The following STXBP5 variants were observed in gnomAD, a reference collection of about 807,000 sequenced individuals.
STXBP5 encodes syntaxin binding protein 5, also known as syntaxin-binding protein 5.
Under a neutral mutation model 152.4 loss-of-function variants are expected in STXBP5, and 50 were observed. The observed-to-expected ratio is 0.33, with a 90% CI of 0.26 to 0.42. STXBP5 has a LOEUF of 0.42. STXBP5 is among the 10% of genes least tolerant of loss of function. The pLI is 1.00. For missense variants in STXBP5, 1,167 were observed against 1,388.6 expected (o/e 0.84, Z 2.54); for synonymous variants, 492 against 494.7 (o/e 0.99, Z 0.07).
intron 23 of STXBP5, 71 bp from the exon 24 acceptor site, chr6:147,363,264 A>C (rs1785144976): frequency 6.9e-7 from 1 of 1,445,258 alleles, no homozygotes. Flanking sequence ...ACTGTATGTC[A>C]AAGTTAGAAT....
chr6:147,341,200 A>C (rs1010554989), intron 21 of STXBP5, among the ~76,000 whole-genome samples: 4 of 152,180 alleles, frequency 2.6e-5, no homozygotes, highest in Non-Finnish European at 5.9e-5. Context: ...TGAAAAACTA[A>C]CACATTAGTT....
At chr6:147,310,735 G>T (rs547585510) in intron 10 of STXBP5, among the ~76,000 whole-genome samples, 1 of 152,098 alleles carries the variant, frequency 6.6e-6, no homozygotes, top group East Asian at 1.9e-4. Flanking sequence ...GCACAATTGC[G>T]TTTTTTTCAG....
chr6:147,348,586 T>C (rs945179684), intron 21 of STXBP5, among the ~76,000 whole-genome samples: 4 of 152,150 alleles, frequency 2.6e-5, no homozygotes, highest in African/African-American at 9.7e-5. Context: ...ATCTAAACAG[T>C]TTTTGTAGTA....
At chr6:147,325,378 T>C (rs1783195608) in intron 17 of STXBP5, among the ~76,000 whole-genome samples, 1 of 152,118 alleles carries the variant, frequency 6.6e-6, no homozygotes, top group Admixed American at 6.5e-5. Context: ...CTCCCAGAAA[T>C]AATTTTCTTA....
intron 4 of STXBP5, among the ~76,000 whole-genome samples, chr6:147,255,955 A>G (rs1421431531): frequency 2.6e-5 from 4 of 152,184 alleles, no homozygotes; most frequent in Non-Finnish European, 5.9e-5. Context: ...CAAATTGCAG[A>G]TTATTTCCTT....
chr6:147,224,328 G>A (rs1777604872), intron 2 of STXBP5, among the ~76,000 whole-genome samples: 1 of 152,198 alleles, frequency 6.6e-6, no homozygotes, highest in Non-Finnish European at 1.5e-5. Flanking sequence ...GGGAGGCTGA[G>A]GCACTAGAAT....
chr6:147,377,807 CTG>C (rs1231085155), intron 26 of STXBP5, among the ~76,000 whole-genome samples: 23 of 151,996 alleles, frequency 1.5e-4, no homozygotes, highest in Admixed American at 1.5e-3. Flanking sequence ...GGGGACATAA[CTG>C]TTGAGTGTAT....
intron 2 of STXBP5, among the ~76,000 whole-genome samples, chr6:147,225,553 C>T (rs184143513): frequency 6.6e-6 from 1 of 152,084 alleles, no homozygotes; most frequent in Admixed American, 6.5e-5. Context: ...TATAATCTTA[C>T]AAAATATTAA....
chr6:147,245,870 A>G (rs1778785453), intron 4 of STXBP5, among the ~76,000 whole-genome samples: 1 of 152,166 alleles, frequency 6.6e-6, no homozygotes, highest in African/African-American at 2.4e-5. Flanking sequence ...GGGGAGAGGC[A>G]TGCAACAGAT....
At chr6:147,309,851 G>A (rs1268631600) in intron 9 of STXBP5, among the ~76,000 whole-genome samples, 2 of 151,850 alleles carry the variant, frequency 1.3e-5, no homozygotes, top group African/African-American at 4.8e-5. Flanking sequence ...GTTTTAGGGA[G>A]GTATAAAAGT....
At chr6:147,293,008 T>C (rs1199841588) in intron 9 of STXBP5, 1 of 152,200 alleles carries the variant, frequency 6.6e-6, no homozygotes, top group South Asian at 2.1e-4. Flanking sequence ...CAATAAATTA[T>C]AATATTGTAC....
At chr6:147,238,314 A>T (rs927278756) in intron 3 of STXBP5, among the ~76,000 whole-genome samples, 6 of 152,146 alleles carry the variant, frequency 3.9e-5, no homozygotes, top group Admixed American at 1.3e-4. Flanking sequence ...GCCTCACTTT[A>T]TAACAACTCA....
At chr6:147,319,650 G>C (rs1782813981) in intron 16 of STXBP5, among the ~76,000 whole-genome samples, 1 of 151,926 alleles carries the variant, frequency 6.6e-6, no homozygotes, top group Non-Finnish European at 1.5e-5. Flanking sequence ...GTAGCGTTTG[G>C]TGTCAGATAG....
intron 19 of STXBP5, among the ~76,000 whole-genome samples, chr6:147,337,288 C>A (rs1478467620): frequency 6.6e-6 from 1 of 151,002 alleles, no homozygotes; most frequent in Non-Finnish European, 1.5e-5. Flanking sequence ...GCCACACATA[C>A]CATGATGTAA....
At chr6:147,316,872 A>C (rs1399993979) in intron 16 of STXBP5, among the ~76,000 whole-genome samples, 6 of 152,116 alleles carry the variant, frequency 3.9e-5, no homozygotes, top group South Asian at 2.1e-4. Context: ...TTGCATCCTA[A>C]ATTTAAATAT....
At chr6:147,338,852 G>T (rs902493777) in intron 19 of STXBP5, among the ~76,000 whole-genome samples, 2 of 151,400 alleles carry the variant, frequency 1.3e-5, no homozygotes, top group South Asian at 2.1e-4. Flanking sequence ...AAGAATTCCA[G>T]ATTTTTTCGA....
Position 147,325,953 on chromosome 6 carries a change from T to C in STXBP5, c.1928+869T>C, listed in dbSNP as rs762067077. On this transcript the variant is annotated intron_variant, in intron 17 of 27. Transcript: ENST00000321680. Reference sequence around the variant, plus strand: ...TATAAAAACTATATAGCATTTCCATTGTATTAGGTATATGTAAATAATCTC... The same window carrying C: ...TATAAAAACTATATAGCATTTCCATCGTATTAGGTATATGTAAATAATCTC... Among the ~76,000 whole-genome samples, 154 of 152,198 alleles carry C rather than the reference T, an allele frequency of 1.0e-3. 2 individuals carry two copies. Among genetic ancestry groups the C allele is most frequent in the Non-Finnish European group, 2.4e-4 (16 of 68,036 alleles).
intron 16 of STXBP5, among the ~76,000 whole-genome samples, chr6:147,317,066 C>A (rs1183236247): frequency 6.6e-6 from 1 of 152,116 alleles, no homozygotes; most frequent in African/African-American, 2.4e-5. Flanking sequence ...AAGAATTCAA[C>A]TAGGATAATG....
intron 5 of STXBP5, among the ~76,000 whole-genome samples, chr6:147,260,959 C>T (rs774849316): frequency 2.6e-5 from 4 of 151,934 alleles, no homozygotes; most frequent in Non-Finnish European, 5.9e-5. Flanking sequence ...GAGATATATG[C>T]ACATTACATA....
Sources: allele counts gnomAD v4.1 joint callset (sites outside exome capture counted in the v4.1 genomes callset), GRCh38; gene constraint gnomAD v4.1.1; transcripts MANE v1.5; gene names NCBI Gene and HGNC (gene_info 2026-07-23, HGNC 2026-07-21).